Variants in CNGA3 observed in about 807,000 individuals in gnomAD.
CNGA3 encodes the protein cyclic nucleotide gated channel subunit alpha 3.
CNGA3 carries 42 observed loss-of-function variants against 46.6 expected under a neutral mutation model. The observed-to-expected ratio is 0.90, with a 90% CI of 0.70 to 1.17. CNGA3 has a LOEUF of 1.17. Ranked by LOEUF, CNGA3 falls within the 50% of genes most tolerant of loss-of-function variation. The pLI is 0.00. For synonymous variants in CNGA3, 394 were observed against 369.4 expected (o/e 1.07, Z -0.76); for missense variants, 893 against 890.7 (o/e 1.00, Z -0.03).
At chr2:98,378,160 T>TG in intron 3 of CNGA3, 1 of 1,550,656 alleles carries the variant, frequency 6.4e-7, no homozygotes, top group South Asian at 1.2e-5. Context: ...CTGAGGATGG[T>TG]GGTGATGAGT....
At chr2:98,373,302 T>C (rs1008605723) in intron 2 of CNGA3, among the ~76,000 whole-genome samples, 45 of 152,220 alleles carry the variant, frequency 3.0e-4, no homozygotes, top group African/African-American at 1.1e-3. Context: ...GAAATAGTGT[T>C]TGGACAAGTC....
intron 1 of CNGA3, among the ~76,000 whole-genome samples, chr2:98,350,549 C>G (rs923083843): frequency 6.6e-6 from 1 of 152,132 alleles, no homozygotes; most frequent in African/African-American, 2.4e-5. Flanking sequence ...ACCTGAACAG[C>G]TGAATCTTTT....
At chr2:98,347,276 C>T (rs1385988688) in intron 1 of CNGA3, 7 of 152,338 alleles carry the variant, frequency 4.6e-5, no homozygotes, top group African/African-American at 1.7e-4. Context: ...ACGCCCGGGG[C>T]TTAGTGCTCG....
intron 1 of CNGA3, among the ~76,000 whole-genome samples, chr2:98,354,050 TG>T (rs1320180637): frequency 6.6e-6 from 1 of 152,222 alleles, no homozygotes; most frequent in African/African-American, 2.4e-5. Flanking sequence ...ACATGAGATT[TG>T]GGAGGGGACA....
chr2:98,367,185 C>CTTTTTTTTTTTTTTTTTTT (rs558997785), intron 1 of CNGA3, among the ~76,000 whole-genome samples: 26 of 95,186 alleles, frequency 2.7e-4, no homozygotes, highest in African/African-American at 5.2e-4. Context: ...TCTTTTTTTT[C>CTTTTTTTTTTTTTTTTTTT]TTTTTTTTTT....
At chr2:98,354,559 A>G (rs1376828519) in intron 1 of CNGA3, among the ~76,000 whole-genome samples, 1 of 152,208 alleles carries the variant, frequency 6.6e-6, no homozygotes, top group Non-Finnish European at 1.5e-5. Context: ...CTGAAGCAGA[A>G]GGATCGCTTG....
Position 98,396,231 on chromosome 2 carries a change from A to G in CNGA3, c.1061A>G (p.Tyr354Cys), listed in dbSNP as rs760524816. 84 of 1,614,028 alleles carry G rather than the reference A, an allele frequency of 5.2e-5. No homozygotes were observed. The highest frequency in any genetic ancestry group is 6.9e-5 in the Non-Finnish European group (82 of 1,180,038). ...EHGRLSRKYI[Y>C]SLYWSTLTLT... ...GGGCGCCTCTCCAGGAAGTACATTT[A>G]CAGTCTCTACTGGTCCACCTTGACC... Residue 354 changes from tyrosine to cysteine, a missense_variant, in exon 8 of 8, where the codon TAC (tyrosine) becomes TGC (cysteine). Physicochemically the swap from Tyr to Cys is radical, Grantham distance 194. Around this residue, in one of 3 missense-constraint regions of CNGA3, gnomAD observed 548 missense variants for 570.8 expected, o/e 0.96. Transcript: ENST00000272602.
chr2:98,397,656 C>T lies in CNGA3; in HGVS notation c.*401C>T, dbSNP rs1692953149. 3.3e-6 allele frequency: 1 copy of T among 300,582 alleles called. No individual in the cohort carries two copies. Among genetic ancestry groups the T allele is most frequent in the African/African-American group, 2.2e-5 (1 of 45,914 alleles). 18.6% of individuals were successfully genotyped at this position (300,582 alleles called of 1,614,324 possible). A position where few individuals can be genotyped will look rare whatever the true frequency, so the allele number is the denominator to read the frequency against. On this transcript the variant is annotated 3_prime_UTR_variant, in exon 8 of 8. Transcript: ENST00000272602. ...TCACCTTTCTCCTGTCCAACTTCAC[C>T]ACCACCTGATAATGGGTATATAACA... is the stretch of plus-strand genomic sequence containing the variant.
At chr2:98,395,113 G>A (rs1459080218) in intron 7 of CNGA3, among the ~76,000 whole-genome samples, 1 of 151,932 alleles carries the variant, frequency 6.6e-6, no homozygotes. Flanking sequence ...TTTCTCCTAG[G>A]TGTACCTTCA....
intron 5 of CNGA3, among the ~76,000 whole-genome samples, chr2:98,387,029 G>C (rs764352973): frequency 6.6e-6 from 1 of 152,208 alleles, no homozygotes; most frequent in African/African-American, 2.4e-5. Flanking sequence ...TGTTGTATAA[G>C]TTTGCAGTAA....
chr2:98,388,678 G>A (rs1439848863), intron 5 of CNGA3, among the ~76,000 whole-genome samples: 1 of 152,250 alleles, frequency 6.6e-6, no homozygotes, highest in Non-Finnish European at 1.5e-5. Flanking sequence ...CCCACCCGAA[G>A]CATTTCGTTT....
At chr2:98,384,371 G>A (rs530315852) in intron 5 of CNGA3, among the ~76,000 whole-genome samples, 177 of 152,252 alleles carry the variant, frequency 1.2e-3, no homozygotes, top group African/African-American at 4.1e-3. Context: ...ATTCAGGAGG[G>A]GAAGTCTTAG....
At chr2:98,351,750 T>C (rs1691775031) in intron 1 of CNGA3, among the ~76,000 whole-genome samples, 1 of 152,238 alleles carries the variant, frequency 6.6e-6, no homozygotes. Context: ...TGTCATATTT[T>C]GGCATTTCTC....
chr2:98,384,729 A>G (rs1692616044), intron 5 of CNGA3, among the ~76,000 whole-genome samples: 1 of 152,212 alleles, frequency 6.6e-6, no homozygotes, highest in Non-Finnish European at 1.5e-5. Flanking sequence ...TACTGAAACC[A>G]TGGACAGAGG....
rs1210730598 is a variant in CNGA3, at chr2:98,397,472, A to G, written c.*217A>G. The G allele has an allele frequency of 1.6e-5, 10 of 610,314 alleles. No homozygotes were observed. Among genetic ancestry groups the G allele is most frequent in the South Asian group, 1.3e-4 (7 of 52,190 alleles). The allele number at this position is 610,314 out of a possible 1,614,324, so 37.8% of individuals were successfully genotyped here. On this transcript the variant is annotated 3_prime_UTR_variant, in exon 8 of 8. Coordinates refer to ENST00000272602, the MANE Select transcript of CNGA3 (RefSeq NM_001298.3). ...TGCCAGGTTTGATTGTGAAGTCCGC[A>G]TGAAACACTGCACCAGGCAGGGCTT...
At position 98,396,588 on chromosome 2, in the gene CNGA3, A is replaced by C. The variant is rs1310881032; in HGVS notation, c.1418A>C (p.His473Pro). 2.5e-6 allele frequency: 4 copies of C among 1,613,986 alleles called. No homozygotes were observed. Among genetic ancestry groups the C allele is most frequent in the Non-Finnish European group, 1.7e-6 (2 of 1,179,934 alleles). The part of the protein sequence containing the change: ...KLKAEIAINV[H>P]LDTLKKVRIF... Reference sequence around the variant, plus strand: ...AAGGCTGAGATCGCCATCAACGTGCACCTGGACACGCTGAAGAAGGTTCGC... The same window carrying C: ...AAGGCTGAGATCGCCATCAACGTGCCCCTGGACACGCTGAAGAAGGTTCGC... Residue 473 changes from histidine to proline, a missense_variant, in exon 8 of 8, where the codon CAC (histidine) becomes CCC (proline). His to Pro is a moderately conservative substitution (Grantham distance 77). Transcript: ENST00000272602.
chr2:98,395,694 T>C lies in CNGA3; in HGVS notation c.674-150T>C, dbSNP rs137869627. On this transcript the variant is annotated intron_variant, in intron 7 of 7. Transcript: ENST00000272602. Reference sequence around the variant, plus strand: ...AGAAAATATCAGAGTGCATTTCCTGTAGTAATGGTAAGTGTTGTTTTTGAA... The same window carrying C: ...AGAAAATATCAGAGTGCATTTCCTGCAGTAATGGTAAGTGTTGTTTTTGAA... 9.1e-4 allele frequency: 617 copies of C among 680,282 alleles called. 5 individuals carry two copies. In the East Asian group the frequency reaches 0.014, roughly 16 times the overall value. The allele number at this position is 680,282 out of a possible 1,614,324, so 42.1% of individuals were successfully genotyped here. A position where few individuals can be genotyped will look rare whatever the true frequency, so the allele number is the denominator to read the frequency against.
intron 4 of CNGA3, 85 bp from the exon 5 acceptor site, chr2:98,383,303 T>G (rs1692577992): frequency 8.0e-6 from 10 of 1,252,016 alleles, no homozygotes; most frequent in South Asian, 7.2e-5. Context: ...GATTGGGGGG[T>G]GGGGCATGGT....
intron 4 of CNGA3, 57 bp downstream of exon 4, chr2:98,380,411 C>G (rs1362509283): frequency 2.5e-6 from 4 of 1,571,636 alleles, no homozygotes; most frequent in Non-Finnish European, 2.6e-6. Flanking sequence ...AGGCAGGAAG[C>G]CTGTGCTTTG....
Sources: gnomAD v4.1 joint callset for allele counts (sites outside exome capture counted in the v4.1 genomes callset) on GRCh38, gnomAD v4.1.1 for gene constraint, gnomAD v4.1.1 regional missense constraint, MANE v1.5 for transcripts, NCBI Gene and HGNC (gene_info 2026-07-23, HGNC 2026-07-21) for gene names.